Variants in WWOX observed in about 807,000 individuals in gnomAD.
WWOX encodes the protein WW domain containing oxidoreductase.
In WWOX, 69 loss-of-function variants were observed where a neutral mutation model predicts 46.2. The observed-to-expected ratio is 1.49, with a 90% CI of 1.23 to 1.82. The LOEUF is 1.82. Among genes scored for constraint, WWOX ranks in the 40% most tolerant of loss-of-function variants. The pLI is 0.00. For synonymous variants in WWOX, 359 were observed against 202.6 expected (o/e 1.77, Z -6.56); for missense variants, 919 against 542.6 (o/e 1.69, Z -6.89).
intron 8 of WWOX, among the ~76,000 whole-genome samples, chr16:79,094,981 C>G (rs1829021657): frequency 6.6e-6 from 1 of 152,116 alleles, no homozygotes; most frequent in South Asian, 2.1e-4. Context: ...TTCGGGCACA[C>G]AGGAGGGGCG....
chr16:78,246,188 C>T (rs2037809921), intron 5 of WWOX, among the ~76,000 whole-genome samples: 1 of 152,122 alleles, frequency 6.6e-6, no homozygotes, highest in South Asian at 2.1e-4. Flanking sequence ...TGCATTTGTA[C>T]AGGAGAACTA....
intron 6 of WWOX, among the ~76,000 whole-genome samples, chr16:78,400,602 T>A (rs1597168437): frequency 6.6e-6 from 1 of 152,240 alleles, no homozygotes; most frequent in Admixed American, 6.5e-5. Flanking sequence ...AGCTTGGTTT[T>A]TCTCCTCTTA....
chr16:78,719,988 T>A (rs1259310469), intron 8 of WWOX, among the ~76,000 whole-genome samples: 1 of 152,216 alleles, frequency 6.6e-6, no homozygotes, highest in African/African-American at 2.4e-5. Flanking sequence ...AGTGGAAGGT[T>A]TTTTTCAGTT....
intron 5 of WWOX, among the ~76,000 whole-genome samples, chr16:78,381,575 A>G (rs1286178640): frequency 6.6e-6 from 1 of 152,212 alleles, no homozygotes; most frequent in African/African-American, 2.4e-5. Context: ...GAGTCTGTAT[A>G]CATAATTTAA....
intron 5 of WWOX, 21 bp downstream of exon 5, chr16:78,164,310 GT>G (rs779488753): frequency 3.8e-6 from 6 of 1,598,680 alleles, no homozygotes; most frequent in Admixed American, 1.7e-5. Flanking sequence ...GACTGTTGTT[GT>G]TTTTTTTAAT....
At chr16:79,039,888 T>C (rs1037236244) in intron 8 of WWOX, among the ~76,000 whole-genome samples, 1 of 152,218 alleles carries the variant, frequency 6.6e-6, no homozygotes, top group Non-Finnish European at 1.5e-5. Context: ...CCACATTCCA[T>C]GGACTGATAC....
intron 8 of WWOX, among the ~76,000 whole-genome samples, chr16:78,873,770 CAG>C (rs1461528934): frequency 2.6e-5 from 4 of 152,090 alleles, no homozygotes; most frequent in Non-Finnish European, 4.4e-5. Flanking sequence ...GCCTGGGCAA[CAG>C]AGAGACCCTG....
intron 8 of WWOX, among the ~76,000 whole-genome samples, chr16:79,060,832 G>A (rs542711448): frequency 4.6e-5 from 7 of 152,172 alleles, no homozygotes; most frequent in Admixed American, 3.9e-4. Context: ...GAGGGATAGT[G>A]GCCAATAATT....
chr16:78,904,330 C>A (rs1359329355), intron 8 of WWOX, among the ~76,000 whole-genome samples: 1 of 151,106 alleles, frequency 6.6e-6, no homozygotes, highest in Non-Finnish European at 1.5e-5. Flanking sequence ...CCTCTGCCTC[C>A]CGGGTTCAAG....
intron 8 of WWOX, among the ~76,000 whole-genome samples, chr16:78,915,932 C>G (rs535095085): frequency 6.6e-6 from 1 of 152,234 alleles, no homozygotes; most frequent in East Asian, 1.9e-4. Flanking sequence ...CACAAAACAC[C>G]CCAAGCTCAA....
At position 78,653,321 on chromosome 16, in the gene WWOX, C is replaced by G. The variant is rs139856592; in HGVS notation, c.1056+220569C>G. Among the ~76,000 whole-genome samples the G allele has an allele frequency of 2.6e-3, 401 of 152,300 alleles. 1 individual carries two copies. The highest frequency in any genetic ancestry group is 9.0e-3 in the African/African-American group (373 of 41,580). On this transcript the variant is annotated intron_variant, in intron 8 of 8. Coordinates refer to ENST00000566780, the MANE Select transcript of WWOX (RefSeq NM_016373.4). ...TTGGACACTATTTTAAAAAATAACT[C>G]AGGCTTATTTTACTATTTATTTTTG...
At chr16:78,934,231 G>T (rs28627839) in intron 8 of WWOX, among the ~76,000 whole-genome samples, 1 of 151,052 alleles carries the variant, frequency 6.6e-6, no homozygotes, top group Non-Finnish European at 1.5e-5. Flanking sequence ...CCAGCTACTC[G>T]GGAGGCTGAG....
chr16:78,676,547 A>T (rs1342236218), intron 8 of WWOX, among the ~76,000 whole-genome samples: 2 of 152,258 alleles, frequency 1.3e-5, no homozygotes, highest in East Asian at 3.9e-4. Context: ...CTACAGTCTA[A>T]AATCATCATC....
At position 78,164,059 on chromosome 16, in the gene WWOX, G is replaced by A. The variant is rs144308904; in HGVS notation, c.410-124G>A. 2,970 of 881,904 alleles carry A rather than the reference G, an allele frequency of 3.4e-3. 4 individuals carry two copies. The highest frequency in any genetic ancestry group is 4.6e-3 in the Non-Finnish European group (2,479 of 537,072). The allele number at this position is 881,904 out of a possible 1,614,324, so 54.6% of individuals were successfully genotyped here. On this transcript the variant is annotated intron_variant, in intron 4 of 8. Coordinates refer to ENST00000566780, the MANE Select transcript of WWOX (RefSeq NM_016373.4). ...CCAGACATTTGCTTCTGTCCCCTGG[G>A]GATCAAAATCACCCCTGGTTGAGAA... is the stretch of plus-strand genomic sequence containing the variant.
At chr16:78,579,888 A>T (rs2045005236) in intron 8 of WWOX, among the ~76,000 whole-genome samples, 1 of 152,128 alleles carries the variant, frequency 6.6e-6, no homozygotes, top group African/African-American at 2.4e-5. Flanking sequence ...AACCCAAGCA[A>T]AGTGTCTCTG....
At position 79,136,476 on chromosome 16, in the gene WWOX, G is replaced by A. The variant is rs558855350; in HGVS notation, c.1057-75132G>A. ...GATCTCCTGACCTCATGATCCACCC[G>A]CCTCGGCCTCCCAAAGTGCTGGGAT... On this transcript the variant is annotated intron_variant, in intron 8 of 8. Coordinates refer to ENST00000566780, the MANE Select transcript of WWOX (RefSeq NM_016373.4). 1.4e-4 allele frequency among the ~76,000 whole-genome samples: 21 copies of A among 152,128 alleles called. 1 individual carries two copies. The South Asian group carries it at 2.5e-3, about 18-fold the overall frequency.
rs531139328 is a variant in WWOX, at chr16:78,852,441, A to G, written c.1057-359167A>G. Among the ~76,000 whole-genome samples, 3 of 152,326 alleles carry G rather than the reference A, an allele frequency of 2.0e-5. No individual in the cohort carries two copies. The East Asian group carries it at 5.8e-4, about 29-fold the overall frequency. ...CAAACAGCACCATGGGGAGATCCGC[A>G]TAGCAAGGAATCAGGCTTCCAACAG... On this transcript the variant is annotated intron_variant, in intron 8 of 8. Coordinates refer to ENST00000566780, the MANE Select transcript of WWOX (RefSeq NM_016373.4).
intron 5 of WWOX, among the ~76,000 whole-genome samples, 191 bp downstream of exon 5, chr16:78,164,480 TG>T (rs2034908611): frequency 6.6e-6 from 1 of 152,242 alleles, no homozygotes; most frequent in African/African-American, 2.4e-5. Flanking sequence ...CGCATTTGTT[TG>T]TAGTTCATTG....
intron 5 of WWOX, among the ~76,000 whole-genome samples, chr16:78,382,674 T>C (rs2081979749): frequency 6.6e-6 from 1 of 152,338 alleles, no homozygotes; most frequent in Non-Finnish European, 1.5e-5. Flanking sequence ...CTAGATGGCA[T>C]GTGCTAATTC....
Sources: gnomAD v4.1 joint callset for allele counts (sites outside exome capture counted in the v4.1 genomes callset) on GRCh38, gnomAD v4.1.1 for gene constraint, MANE v1.5 for transcripts, NCBI Gene and HGNC (gene_info 2026-07-23, HGNC 2026-07-21) for gene names.